Variants in CHRNA7 observed in about 807,000 individuals in gnomAD.
CHRNA7 encodes cholinergic receptor nicotinic alpha 7 subunit, also known as neuronal acetylcholine receptor subunit alpha-7.
Under a neutral mutation model 48.0 loss-of-function variants are expected in CHRNA7, and 17 were observed. That is an observed-to-expected ratio of 0.35 (90% CI 0.24 to 0.53). The LOEUF is 0.53. CHRNA7 is among the 20% of genes least tolerant of loss of function. CHRNA7 has a pLI of 0.92. For missense variants in CHRNA7, 155 were observed against 577.7 expected (o/e 0.27, Z 7.50); for synonymous variants, 75 against 242.3 (o/e 0.31, Z 6.41).
rs141743033 is a variant in CHRNA7 at position 32,147,933 on chromosome 15, A to T, written c.351-5974A>T. On this transcript the variant is annotated intron_variant, in intron 4 of 9. Coordinates refer to ENST00000306901, the MANE Select transcript of CHRNA7 (RefSeq NM_000746.6). ...GTGGTGTCTTCACATGGAATTGGGGAATTGGCAGCTTTTTTTCCCCTTTCT... is the reference window on the plus strand; with the variant it reads ...GTGGTGTCTTCACATGGAATTGGGGTATTGGCAGCTTTTTTTCCCCTTTCT... Among the ~76,000 whole-genome samples the T allele has an allele frequency of 9.3e-3, 1,419 of 152,192 alleles. 16 individuals are homozygous for T. Among genetic ancestry groups the T allele is most frequent in the Middle Eastern group, 0.027 (8 of 294 alleles).
At chr15:32,088,575 C>G (rs544067845) in intron 2 of CHRNA7, among the ~76,000 whole-genome samples, 6 of 152,236 alleles carry the variant, frequency 3.9e-5, no homozygotes, top group African/African-American at 1.4e-4. Flanking sequence ...CCTGTTGCTC[C>G]CCATCCTCCC....
intron 4 of CHRNA7, among the ~76,000 whole-genome samples, chr15:32,126,810 A>G (rs2051074755): frequency 1.3e-5 from 2 of 152,216 alleles, no homozygotes; most frequent in South Asian, 2.1e-4. Context: ...TATTCCTCCT[A>G]ATATTCCCCA....
At chr15:32,083,979 G>A (rs947162831) in intron 2 of CHRNA7, among the ~76,000 whole-genome samples, 4 of 152,136 alleles carry the variant, frequency 2.6e-5, no homozygotes, top group Non-Finnish European at 4.4e-5. Context: ...ATAAGCCCTA[G>A]ATTAGATGGG....
intron 2 of CHRNA7, among the ~76,000 whole-genome samples, chr15:32,092,209 C>T (rs1387891060): frequency 6.6e-6 from 1 of 152,142 alleles, no homozygotes; most frequent in Non-Finnish European, 1.5e-5. Context: ...CTGTTTTGTT[C>T]CTTTCTGTTT....
chr15:32,037,136 C>T (rs1428431954), intron 2 of CHRNA7, among the ~76,000 whole-genome samples: 2 of 152,138 alleles, frequency 1.3e-5, no homozygotes, highest in Non-Finnish European at 2.9e-5. Context: ...CTACATTTAT[C>T]TTTTTGCATG....
intron 2 of CHRNA7, among the ~76,000 whole-genome samples, chr15:32,076,937 C>G (rs1308546423): frequency 6.6e-6 from 1 of 152,232 alleles, no homozygotes; most frequent in East Asian, 1.9e-4. Context: ...CTAGTCATCC[C>G]TTGCTCCACC....
chr15:32,052,779 TTAGA>T (rs766333272), intron 2 of CHRNA7, among the ~76,000 whole-genome samples: 12 of 152,024 alleles, frequency 7.9e-5, no homozygotes, highest in African/African-American at 1.4e-4. Context: ...AAAGATATAG[TTAGA>T]TAGAAGGAAT....
chr15:32,119,795 A>G (rs1462448181), intron 4 of CHRNA7, among the ~76,000 whole-genome samples: 1 of 152,102 alleles, frequency 6.6e-6, no homozygotes, highest in East Asian at 1.9e-4. Flanking sequence ...CTGACATCTC[A>G]GCAAGAGGAA....
intron 4 of CHRNA7, among the ~76,000 whole-genome samples, chr15:32,123,155 T>A (rs1346959206): frequency 6.6e-6 from 1 of 152,164 alleles, no homozygotes. Context: ...AAAGGCATAG[T>A]TCAGTCTAAT....
intron 2 of CHRNA7, among the ~76,000 whole-genome samples, chr15:32,040,139 C>A (rs11636265): frequency 6.6e-6 from 1 of 151,962 alleles, no homozygotes; most frequent in East Asian, 1.9e-4. Context: ...TTATATGTGT[C>A]TTTATATTTA....
intron 4 of CHRNA7, among the ~76,000 whole-genome samples, chr15:32,127,157 G>T (rs76516724): frequency 0.014 from 2,159 of 152,116 alleles, 52 homozygotes; most frequent in African/African-American, 0.05. Context: ...ACCTTTTGAG[G>T]GTGGCTGAGT....
At chr15:32,051,614 T>C (rs2049682161) in intron 2 of CHRNA7, among the ~76,000 whole-genome samples, 1 of 152,154 alleles carries the variant, frequency 6.6e-6, no homozygotes. Context: ...AGTGAGGCAA[T>C]GCCTCGCCCT....
intron 2 of CHRNA7, among the ~76,000 whole-genome samples, chr15:32,063,924 C>A (rs1323033813): frequency 6.6e-6 from 1 of 152,156 alleles, no homozygotes; most frequent in East Asian, 1.9e-4. Context: ...GATCCTCTTT[C>A]CTGGTTTATC....
chr15:32,149,548 A>T lies in CHRNA7; in HGVS notation c.351-4359A>T, dbSNP rs927794020. Among the ~76,000 whole-genome samples the T allele has an allele frequency of 1.3e-5, 2 of 152,232 alleles. No individual in the cohort carries two copies. Among genetic ancestry groups the T allele is most frequent in the Non-Finnish European group, 2.9e-5 (2 of 68,028 alleles). On this transcript the variant is annotated intron_variant, in intron 4 of 9. Transcript: ENST00000306901. The surrounding 1 kb of genome is among the most constrained non-coding windows in gnomAD (Gnocchi z 4.6). Reference sequence around the variant, plus strand: ...TAATGCTCAAAACAGATAAAGTAGTATTAGCACAAATCCATTACAAGAGTT... The same window carrying T: ...TAATGCTCAAAACAGATAAAGTAGTTTTAGCACAAATCCATTACAAGAGTT...
At chr15:32,049,583 G>A (rs916210658) in intron 2 of CHRNA7, among the ~76,000 whole-genome samples, 7 of 152,248 alleles carry the variant, frequency 4.6e-5, no homozygotes, top group East Asian at 1.9e-4. Context: ...ACACTGATGG[G>A]TCTTGACTCT....
At chr15:32,059,931 C>T (rs924055440) in intron 2 of CHRNA7, among the ~76,000 whole-genome samples, 8 of 85,272 alleles carry the variant, frequency 9.4e-5, no homozygotes, top group African/African-American at 4.2e-4. Context: ...CTCTGAAACG[C>T]CAAGTAGAAA....
chr15:32,090,929 T>C (rs1362129979), intron 2 of CHRNA7, among the ~76,000 whole-genome samples: 8 of 152,202 alleles, frequency 5.3e-5, no homozygotes, highest in Non-Finnish European at 1.2e-4. Context: ...TCCATCTCTT[T>C]ATCTTTCTGA....
intron 4 of CHRNA7, among the ~76,000 whole-genome samples, chr15:32,122,325 G>A (rs944021222): frequency 6.6e-6 from 1 of 152,170 alleles, no homozygotes; most frequent in African/African-American, 2.4e-5. Context: ...TTCTGATTGT[G>A]TGGGGCAGGG....
chr15:32,115,081 G>A (rs1054740260), intron 4 of CHRNA7, among the ~76,000 whole-genome samples: 1 of 152,246 alleles, frequency 6.6e-6, no homozygotes, highest in African/African-American at 2.4e-5. Flanking sequence ...CTTAAGGACT[G>A]AGCGTGAGGG....
Sources: gnomAD v4.1 joint callset for allele counts (sites outside exome capture counted in the v4.1 genomes callset) on GRCh38, gnomAD v4.1.1 for gene constraint, Gnocchi (gnomAD v3.1) non-coding constraint, MANE v1.5 for transcripts, NCBI Gene and HGNC (gene_info 2026-07-23, HGNC 2026-07-21) for gene names.